The following NRXN1 variants were observed in gnomAD, a reference collection of about 807,000 sequenced individuals.
NRXN1 encodes neurexin 1.
In NRXN1, 39 loss-of-function variants were observed where a neutral mutation model predicts 150.9. The observed-to-expected ratio is 0.26, with a 90% confidence interval of 0.20 to 0.34. The LOEUF is 0.34. Among genes scored for constraint, NRXN1 ranks in the 10% least tolerant of loss-of-function variants. The pLI is 1.00. For missense variants in NRXN1, 1,815 were observed against 1,949.9 expected, an observed-to-expected ratio of 0.93 and a Z score of 1.30; for synonymous variants, 924 against 757.0, an observed-to-expected ratio of 1.22 and a Z score of -3.62.
intron 18 of NRXN1, among the ~76,000 whole-genome samples, chr2:50,106,589 G>A (rs1290948033): frequency 1.3e-5 from 2 of 151,978 alleles, no homozygotes; most frequent in Non-Finnish European, 2.9e-5. Flanking sequence ...ATGAACAAAT[G>A]TGAACCTAGC....
At chr2:50,121,420 A>G (rs934949443) in intron 18 of NRXN1, among the ~76,000 whole-genome samples, 2 of 152,220 alleles carry the variant, frequency 1.3e-5, no homozygotes, top group Non-Finnish European at 2.9e-5. Context: ...GGCACAAAGA[A>G]CAATGATCAC....
rs917262121 is a variant in NRXN1 at position 50,481,754 on chromosome 2, T to C, written c.3071-9283A>G. Among the ~76,000 whole-genome samples, 8 of 112,752 alleles carry C rather than the reference T, an allele frequency of 7.1e-5. 1 individual carries two copies. The highest frequency in any genetic ancestry group is 2.5e-4 in the African/African-American group (6 of 23,894). The allele number at this position is 112,752 out of a possible 152,430, so 74.0% of individuals were successfully genotyped here. On this transcript the variant is annotated intron_variant, in intron 15 of 22. Transcript: ENST00000401669. The stretch of plus-strand genomic sequence containing the variant: ...ATAATTCTTTCAATATTCTGAACTT[T>C]TGTTTCTTTTTTTTTTTTTTTTTTT...
intron 18 of NRXN1, among the ~76,000 whole-genome samples, chr2:50,175,987 A>T (rs547215377): frequency 6.6e-6 from 1 of 152,286 alleles, no homozygotes; most frequent in South Asian, 2.1e-4. Context: ...GAGGCAGTCA[A>T]CAAGCACTTA....
chr2:50,868,938 C>A (rs570814055), intron 5 of NRXN1, among the ~76,000 whole-genome samples: 10 of 151,692 alleles, frequency 6.6e-5, no homozygotes, highest in Non-Finnish European at 1.5e-4. Context: ...AAATTAGTTC[C>A]TAAATGCCAA....
rs543959517 is a variant in NRXN1, at chr2:50,904,150, T to C, written c.832+17719A>G. Among the ~76,000 whole-genome samples the C allele has an allele frequency of 2.6e-5, 4 of 152,256 alleles. No homozygotes were observed. In the South Asian group the frequency reaches 6.2e-4, roughly 24 times the overall value. ...CCTGAAATCCATTAGCCTTACATAA[T>C]TCTGTGAAATTTAGAACTGAAGAAT... is the stretch of plus-strand genomic sequence containing the variant. On this transcript the variant is annotated intron_variant, in intron 5 of 22. Transcript: ENST00000401669.
chr2:50,608,028 G>T lies in NRXN1; in HGVS notation c.1320+11994C>A, dbSNP rs116642685. The stretch of plus-strand genomic sequence containing the variant: ...AGGCCAAGCCCACCTGGGGCCTGGG[G>T]GTAAATGAGAAGCCCACATGGGTAA... On this transcript the variant is annotated intron_variant, in intron 8 of 22. Transcript: ENST00000401669. 4.8e-3 allele frequency among the ~76,000 whole-genome samples: 728 copies of T among 152,022 alleles called. 2 individuals carry two copies. The highest frequency in any genetic ancestry group is 0.017 in the African/African-American group (701 of 41,464).
intron 18 of NRXN1, among the ~76,000 whole-genome samples, chr2:50,115,446 C>G (rs778521064): frequency 2.0e-5 from 3 of 151,740 alleles, no homozygotes; most frequent in Non-Finnish European, 4.4e-5. Context: ...TGTATATGTA[C>G]TTTCTCATTT....
At chr2:51,021,245 A>T (rs1253743408) in intron 2 of NRXN1, among the ~76,000 whole-genome samples, 9 of 152,126 alleles carry the variant, frequency 5.9e-5, no homozygotes, top group Middle Eastern at 3.4e-3. Flanking sequence ...AACTTCTAAT[A>T]GGTTTATTAA....
intron 17 of NRXN1, among the ~76,000 whole-genome samples, chr2:50,449,732 T>C (rs1269855831): frequency 6.6e-6 from 1 of 152,218 alleles, no homozygotes; most frequent in Non-Finnish European, 1.5e-5. Context: ...TGTCCCATAA[T>C]GATCTGTACA....
rs549190790 is a variant in NRXN1, at chr2:50,469,765, G to A, written c.3244+2533C>T. Among the ~76,000 whole-genome samples the A allele has an allele frequency of 2.0e-4, 30 of 150,830 alleles. No individual in the cohort carries two copies. The East Asian group carries it at 5.9e-3, about 29-fold the overall frequency. ...ATATTCTAAGAGTAAAGAAAAAAAGGGGTGTCAGGGTGTGAAAATTATAAA... is the reference window on the plus strand; with the variant it reads ...ATATTCTAAGAGTAAAGAAAAAAAGAGGTGTCAGGGTGTGAAAATTATAAA... On this transcript the variant is annotated intron_variant, in intron 16 of 22. Transcript: ENST00000401669.
intron 8 of NRXN1, among the ~76,000 whole-genome samples, chr2:50,570,747 T>TAC (rs1670548864): frequency 6.6e-6 from 1 of 152,112 alleles, no homozygotes; most frequent in African/African-American, 2.4e-5. Flanking sequence ...ATGTTATATA[T>TAC]ATATAACATA....
intron 8 of NRXN1, among the ~76,000 whole-genome samples, chr2:50,596,373 G>A (rs1675203740): frequency 6.6e-6 from 1 of 152,076 alleles, no homozygotes; most frequent in African/African-American, 2.4e-5. Context: ...ATTAAAAATT[G>A]CTGTGTTTTG....
intron 19 of NRXN1, among the ~76,000 whole-genome samples, chr2:50,074,551 T>A (rs1204211336): frequency 6.6e-6 from 1 of 152,158 alleles, no homozygotes; most frequent in Non-Finnish European, 1.5e-5. Flanking sequence ...GGCACATATA[T>A]ATGATGGCTA....
At chr2:50,617,902 T>C (rs1219475375) in intron 8 of NRXN1, among the ~76,000 whole-genome samples, 3 of 152,228 alleles carry the variant, frequency 2.0e-5, no homozygotes, top group Non-Finnish European at 2.9e-5. Flanking sequence ...ACTACAGTTT[T>C]ATACACACAC....
At chr2:50,610,955 A>G (rs868031975) in intron 8 of NRXN1, among the ~76,000 whole-genome samples, 3 of 149,732 alleles carry the variant, frequency 2.0e-5, no homozygotes, top group Non-Finnish European at 4.4e-5. Flanking sequence ...CATGTTGGCC[A>G]GGCTGGTCTT....
intron 8 of NRXN1, among the ~76,000 whole-genome samples, chr2:50,617,672 A>G (rs1573810221): frequency 1.3e-5 from 2 of 152,200 alleles, no homozygotes; most frequent in East Asian, 3.8e-4. Context: ...CAACAGCACA[A>G]GTGAATCCTC....
chr2:50,830,920 C>T (rs188196291), intron 5 of NRXN1, among the ~76,000 whole-genome samples: 18 of 151,968 alleles, frequency 1.2e-4, no homozygotes, highest in Admixed American at 2.0e-4. Flanking sequence ...TTCGTAGCAG[C>T]GCTATTTATT....
chr2:50,447,604 CTTTG>C (rs2086546718), intron 17 of NRXN1, among the ~76,000 whole-genome samples: 1 of 141,712 alleles, frequency 7.1e-6, no homozygotes, highest in African/African-American at 2.6e-5. Context: ...CCAGGATTTT[CTTTG>C]TTTTTATTTT....
intron 5 of NRXN1, among the ~76,000 whole-genome samples, chr2:50,633,924 G>C (rs1163646398): frequency 1.3e-5 from 2 of 152,034 alleles, no homozygotes; most frequent in Non-Finnish European, 2.9e-5. Context: ...TAGATGATTG[G>C]GGAAGCTTTA....
Sources: allele counts gnomAD v4.1 joint callset (sites outside exome capture counted in the v4.1 genomes callset), GRCh38; gene constraint gnomAD v4.1.1; transcripts MANE v1.5; gene names NCBI Gene and HGNC (gene_info 2026-07-23, HGNC 2026-07-21).